AXL: variants seen among roughly 807,000 people sequenced by gnomAD.
AXL encodes the protein AXL receptor tyrosine kinase, also known as tyrosine-protein kinase receptor UFO.
In AXL, 52 loss-of-function variants were observed where a neutral mutation model predicts 104.5. The ratio of observed to expected loss-of-function variants is 0.50; its 90% CI spans 0.40 to 0.63. AXL has a LOEUF of 0.63. Ranked by LOEUF, AXL falls within the 20% of genes least tolerant of loss-of-function variation. The probability of loss-of-function intolerance (pLI) is 0.00; values close to 1 mark genes in which losing one functional copy is unlikely to be tolerated. For missense variants in AXL, 1,024 were observed against 1,188.5 expected, an observed-to-expected ratio of 0.86 and a Z score of 2.04; for synonymous variants, 455 against 473.7, an observed-to-expected ratio of 0.96 and a Z score of 0.51.
At chr19:41,221,592 C>A (rs1326094726) in intron 3 of AXL, 3 of 504,744 alleles carry the variant, frequency 5.9e-6, no homozygotes, top group Non-Finnish European at 7.0e-6. Context: ...ACGACCCCAG[C>A]GGTCTCTTTT....
At chr19:41,251,178 C>G (rs1392647446) in intron 14 of AXL, among the ~76,000 whole-genome samples, 1 of 152,160 alleles carries the variant, frequency 6.6e-6, no homozygotes, top group Non-Finnish European at 1.5e-5. Context: ...TGGCTCATGC[C>G]TGTAATCCCA....
chr19:41,243,106 G>A, intron 11 of AXL, 91 bp downstream of exon 11: 1 of 1,567,764 alleles, frequency 6.4e-7, no homozygotes, highest in East Asian at 2.3e-5. Context: ...CAGGAGGAGT[G>A]ATGACTAAGA....
chr19:41,253,501 A>C, intron 16 of AXL, 98 bp from the exon 17 acceptor site: 1 of 900,776 alleles, frequency 1.1e-6, no homozygotes, highest in Middle Eastern at 2.1e-4. Flanking sequence ...ATGGGAAACC[A>C]CTGCGGGCAG....
At chr19:41,230,128 AGT>A (rs1001599324) in intron 4 of AXL, among the ~76,000 whole-genome samples, 88 of 140,024 alleles carry the variant, frequency 6.3e-4, no homozygotes, top group African/African-American at 2.5e-3. Flanking sequence ...TGTGAGACAC[AGT>A]GTGTGTGTGT....
chr19:41,236,238 C>G (rs930199804), intron 6 of AXL, among the ~76,000 whole-genome samples: 4 of 149,964 alleles, frequency 2.7e-5, no homozygotes, highest in African/African-American at 4.9e-5. Context: ...GAGGCTGAAG[C>G]AGAAGAATTA....
chr19:41,252,536 T>TC, intron 15 of AXL, 93 bp downstream of exon 15: 1 of 1,403,386 alleles, frequency 7.1e-7, no homozygotes, highest in Non-Finnish European at 1.0e-6. Flanking sequence ...AGATCAAACT[T>TC]CCAGGCTTCC....
At chr19:41,252,824 C>T (rs2034387288) in intron 15 of AXL, 22 bp from the exon 16 acceptor site, 1 of 1,612,980 alleles carries the variant, frequency 6.2e-7, no homozygotes, top group Admixed American at 1.7e-5. Context: ...GCAGGAGTGA[C>T]AGGGCTACCT....
At chr19:41,257,071 T>G (rs1386297151) in intron 18 of AXL, among the ~76,000 whole-genome samples, 2 of 151,740 alleles carry the variant, frequency 1.3e-5, no homozygotes, top group South Asian at 4.2e-4. Flanking sequence ...TGAGATGGAG[T>G]CTCGCACTGT....
intron 12 of AXL, among the ~76,000 whole-genome samples, chr19:41,248,260 T>A (rs950787974): frequency 1.3e-5 from 2 of 152,264 alleles, no homozygotes; most frequent in African/African-American, 4.8e-5. Flanking sequence ...AGCAGGGCAC[T>A]GACCCATCAG....
chr19:41,232,274 C>A (rs1051326936), intron 6 of AXL, among the ~76,000 whole-genome samples: 1 of 152,174 alleles, frequency 6.6e-6, no homozygotes, highest in East Asian at 1.9e-4. Flanking sequence ...GGATATATTA[C>A]AACCCAGATG....
intron 12 of AXL, among the ~76,000 whole-genome samples, chr19:41,245,876 G>C (rs74888339): frequency 0.024 from 3,667 of 152,246 alleles, 163 homozygotes; most frequent in African/African-American, 0.084. Flanking sequence ...TATTTAAGAA[G>C]AGAAGGAAGA....
intron 6 of AXL, among the ~76,000 whole-genome samples, chr19:41,236,055 G>A (rs994488505): frequency 1.3e-5 from 2 of 151,966 alleles, no homozygotes; most frequent in Admixed American, 6.6e-5. Context: ...AAAAAGCCGG[G>A]TGTGGTAGCT....
chr19:41,234,704 A>ATGCTGT (rs2034049390), intron 6 of AXL, among the ~76,000 whole-genome samples: 1 of 152,220 alleles, frequency 6.6e-6, no homozygotes, highest in African/African-American at 2.4e-5. Context: ...AGAGAAGTTA[A>ATGCTGT]GACACTCACT....
At chr19:41,238,192 CA>C in intron 7 of AXL, 38 bp downstream of exon 7, 1 of 1,604,316 alleles carries the variant, frequency 6.2e-7, no homozygotes, top group South Asian at 1.1e-5. Context: ...ACCACTGCCC[CA>C]CCGGACCTTG....
rs574315254 is a variant in AXL at position 41,242,315 on chromosome 19, C to CT, written c.1313-542dup. The stretch of plus-strand genomic sequence containing the variant: ...ACCACCTGAACTATCCTGGCACTCT[C>CT]TTTTTTTTTTTTTTTTTTTTTTTTT... On this transcript the variant is annotated intron_variant, in intron 10 of 19. Transcript: ENST00000301178. Among the ~76,000 whole-genome samples, 835 of 83,850 alleles carry CT rather than the reference C, an allele frequency of 1.0e-2. 132 individuals carry two copies. The highest frequency in any genetic ancestry group is 0.013 in the Non-Finnish European group (632 of 47,606). 55.0% of individuals were successfully genotyped at this position (83,850 alleles called of 152,430 possible). A position where few individuals can be genotyped will look rare whatever the true frequency, so the allele number is the denominator to read the frequency against.
intron 12 of AXL, among the ~76,000 whole-genome samples, chr19:41,244,284 GATA>G (rs1288974173): frequency 6.6e-6 from 1 of 152,016 alleles, no homozygotes; most frequent in African/African-American, 2.4e-5. Flanking sequence ...TAATGATGAT[GATA>G]ATGATGAAGA....
intron 6 of AXL, among the ~76,000 whole-genome samples, chr19:41,237,007 A>T (rs1189361228): frequency 1.3e-5 from 2 of 151,972 alleles, no homozygotes; most frequent in African/African-American, 4.8e-5. Flanking sequence ...GTGGCCCAAG[A>T]CAATTCTTCT....
In AXL at chr19:41,260,949, AATG is replaced by A; in HGVS notation, c.*1051_*1053del. ...TTATCTTCTCAAGTTCTAAGATTCT[AATG>A]ATGATCAATTATAGTTTCTGAGGCT... On this transcript the variant is annotated 3_prime_UTR_variant, in exon 20 of 20. Coordinates refer to ENST00000301178, the MANE Select transcript of AXL (RefSeq NM_021913.5). 6.6e-6 allele frequency: 1 copy of A among 152,276 alleles called. No individual in the cohort carries two copies. Among genetic ancestry groups the A allele is most frequent in the East Asian group, 1.9e-4 (1 of 5,186 alleles). The allele number at this position is 152,276 out of a possible 1,614,324, so 9.4% of individuals were successfully genotyped here. A position where few individuals can be genotyped will look rare whatever the true frequency, so the allele number is the denominator to read the frequency against.
intron 4 of AXL, among the ~76,000 whole-genome samples, chr19:41,229,170 C>T (rs1449260062): frequency 6.6e-6 from 1 of 152,038 alleles, no homozygotes; most frequent in Admixed American, 6.6e-5. Flanking sequence ...AGGCTGGTCT[C>T]GAACTTCGGA....
Sources: gnomAD v4.1 joint callset for allele counts (sites outside exome capture counted in the v4.1 genomes callset) on GRCh38, gnomAD v4.1.1 for gene constraint, MANE v1.5 for transcripts, NCBI Gene and HGNC (gene_info 2026-07-23, HGNC 2026-07-21) for gene names.